Variants in RASAL2 observed in about 807,000 individuals in gnomAD.
The protein encoded by RASAL2 is RAS protein activator like 2, also known as ras GTPase-activating protein nGAP.
In RASAL2, 58 loss-of-function variants were observed where a neutral mutation model predicts 128.9. That is an observed-to-expected ratio of 0.45 (90% CI 0.36 to 0.56). RASAL2 has a LOEUF of 0.56. RASAL2 is among the 20% of genes least tolerant of loss of function. The pLI, the probability that RASAL2 is intolerant of heterozygous loss-of-function variation, is 0.00. For synonymous variants in RASAL2, 561 were observed against 580.8 expected, an observed-to-expected ratio of 0.97 and a Z score of 0.49; for missense variants, 1,360 against 1,601.6, an observed-to-expected ratio of 0.85 and a Z score of 2.57.
intron 12 of RASAL2, chr1:178,456,401 G>A (rs1190856120): frequency 1.6e-5 from 6 of 372,474 alleles, no homozygotes; most frequent in African/African-American, 2.0e-5. Flanking sequence ...AGTTTGCTTC[G>A]CATGCCTATT....
intron 4 of RASAL2, among the ~76,000 whole-genome samples, chr1:178,408,134 A>G (rs972755464): frequency 2.0e-5 from 3 of 152,242 alleles, no homozygotes; most frequent in African/African-American, 7.2e-5. Context: ...TAAAAAAATA[A>G]TGAGCTTTTT....
At chr1:178,341,982 T>C (rs1396457491) in intron 3 of RASAL2, among the ~76,000 whole-genome samples, 4 of 152,230 alleles carry the variant, frequency 2.6e-5, no homozygotes, top group African/African-American at 9.6e-5. Context: ...GTAAAGCTCA[T>C]TTCTCTCTGA....
intron 1 of RASAL2, among the ~76,000 whole-genome samples, chr1:178,242,530 C>T (rs1664563354): frequency 6.7e-6 from 1 of 149,816 alleles, no homozygotes; most frequent in Non-Finnish European, 1.5e-5. Flanking sequence ...TGGGCTCAAG[C>T]AGTCCTCCAC....
intron 1 of RASAL2, among the ~76,000 whole-genome samples, chr1:178,154,237 C>T (rs1443197761): frequency 6.6e-6 from 1 of 151,836 alleles, no homozygotes; most frequent in African/African-American, 2.4e-5. Flanking sequence ...GCCTTGAACT[C>T]CTGGGCTCCA....
chr1:178,337,302 T>G (rs1669634671), intron 3 of RASAL2, among the ~76,000 whole-genome samples: 4 of 152,224 alleles, frequency 2.6e-5, no homozygotes. Context: ...AGTATGTATG[T>G]ATGTGTATCT....
chr1:178,218,686 CA>C (rs910658073), intron 1 of RASAL2, among the ~76,000 whole-genome samples: 16 of 150,032 alleles, frequency 1.1e-4, no homozygotes, highest in African/African-American at 3.7e-4. Flanking sequence ...GACTCCGTCT[CA>C]AAAAAAAAAT....
chr1:178,259,619 A>C (rs986096429), intron 1 of RASAL2, among the ~76,000 whole-genome samples: 3 of 152,080 alleles, frequency 2.0e-5, no homozygotes, highest in African/African-American at 7.2e-5. Flanking sequence ...TCTGTCACTC[A>C]CTGGACAGTG....
intron 3 of RASAL2, among the ~76,000 whole-genome samples, chr1:178,384,762 G>T (rs1158710569): frequency 2.0e-5 from 3 of 151,072 alleles, no homozygotes; most frequent in Admixed American, 2.0e-4. Context: ...TCACAAAGAG[G>T]TGCTTAAATA....
intron 3 of RASAL2, among the ~76,000 whole-genome samples, chr1:178,322,077 C>T (rs1668817219): frequency 6.6e-6 from 1 of 152,090 alleles, no homozygotes; most frequent in East Asian, 1.9e-4. Flanking sequence ...AAGTGATACT[C>T]CCACCTCGGC....
intron 1 of RASAL2, among the ~76,000 whole-genome samples, chr1:178,134,555 C>T (rs1464528692): frequency 6.6e-6 from 1 of 151,246 alleles, no homozygotes; most frequent in Non-Finnish European, 1.5e-5. Context: ...TTTTCGTATT[C>T]TAATTGCAGG....
chr1:178,410,435 G>C (rs868209861), intron 4 of RASAL2, among the ~76,000 whole-genome samples: 1 of 151,970 alleles, frequency 6.6e-6, no homozygotes, highest in South Asian at 2.1e-4. Context: ...AGATAACATC[G>C]GAAAAACTCT....
chr1:178,253,473 TG>T, intron 1 of RASAL2, among the ~76,000 whole-genome samples: 1 of 152,300 alleles, frequency 6.6e-6, no homozygotes, highest in South Asian at 2.1e-4. Context: ...TTGAGTCAAT[TG>T]TCTGTATGTA....
intron 5 of RASAL2, among the ~76,000 whole-genome samples, chr1:178,428,018 A>G (rs1281335033): frequency 1.3e-5 from 2 of 151,656 alleles, no homozygotes; most frequent in Admixed American, 6.6e-5. Flanking sequence ...ACAGAATCAT[A>G]TAGTATATAA....
intron 1 of RASAL2, among the ~76,000 whole-genome samples, chr1:178,216,851 A>G (rs150283415): frequency 4.6e-4 from 70 of 152,340 alleles, no homozygotes; most frequent in African/African-American, 1.5e-3. Flanking sequence ...GTTGAAGAAG[A>G]TAGTGTTCAA....
At chr1:178,411,861 A>T (rs1674411500) in intron 4 of RASAL2, 2 of 739,802 alleles carry the variant, frequency 2.7e-6, no homozygotes, top group Non-Finnish European at 5.0e-6. Flanking sequence ...GGGCCACAGG[A>T]GGAAATAGGA....
At chr1:178,249,439 T>G (rs1476102156) in intron 1 of RASAL2, among the ~76,000 whole-genome samples, 1 of 152,076 alleles carries the variant, frequency 6.6e-6, no homozygotes, top group Non-Finnish European at 1.5e-5. Flanking sequence ...TAGCAGTTCC[T>G]GTAACCTTTT....
chr1:178,478,483 A>G lies in RASAL2; in HGVS notation c.*5244A>G, dbSNP rs1490314642. 1 of 152,192 alleles carries G rather than the reference A, an allele frequency of 6.6e-6. No individual in the cohort carries two copies. Among genetic ancestry groups the G allele is most frequent in the African/African-American group, 2.4e-5 (1 of 41,460 alleles). The allele number at this position is 152,192 out of a possible 1,614,324, so 9.4% of individuals were successfully genotyped here. The stretch of plus-strand genomic sequence containing the variant: ...CCTGAGTTACACCTGTGAGGAAATG[A>G]CCTTCTAAATTTGATTTTGTTTTTC... On this transcript the variant is annotated 3_prime_UTR_variant, in exon 18 of 18. Transcript: ENST00000367649.
At chr1:178,252,729 G>A (rs140553897) in intron 1 of RASAL2, among the ~76,000 whole-genome samples, 22 of 152,306 alleles carry the variant, frequency 1.4e-4, no homozygotes, top group African/African-American at 5.1e-4. Context: ...TCTGATGCAA[G>A]AAAATCCTGA....
At chr1:178,234,652 G>A (rs1050323045) in intron 1 of RASAL2, among the ~76,000 whole-genome samples, 13 of 151,958 alleles carry the variant, frequency 8.6e-5, no homozygotes, top group African/African-American at 2.9e-4. Flanking sequence ...ATGACTTGGG[G>A]CCTATGTTTT....
Sources: allele counts gnomAD v4.1 joint callset (sites outside exome capture counted in the v4.1 genomes callset), GRCh38; gene constraint gnomAD v4.1.1; transcripts MANE v1.5; gene names NCBI Gene and HGNC (gene_info 2026-07-23, HGNC 2026-07-21).